Variants in NINL observed in about 807,000 individuals in gnomAD.
NINL encodes the protein ninein like.
NINL carries 153 observed loss-of-function variants against 160.3 expected under a neutral mutation model. The observed-to-expected ratio is 0.95, with a 90% CI of 0.84 to 1.09. The LOEUF (loss-of-function observed/expected upper bound fraction) is 1.09. Ranked by LOEUF, NINL falls within the 50% of genes least tolerant of loss-of-function variation. The probability of loss-of-function intolerance (pLI) is 0.00; values close to 1 mark genes in which losing one functional copy is unlikely to be tolerated. For synonymous variants in NINL, 800 were observed against 734.8 expected, an observed-to-expected ratio of 1.09 and a Z score of -1.43; for missense variants, 1,829 against 1,764.0, an observed-to-expected ratio of 1.04 and a Z score of -0.66.
intron 13 of NINL, among the ~76,000 whole-genome samples, chr20:25,485,351 T>C (rs1294993115): frequency 3.3e-5 from 5 of 152,248 alleles, no homozygotes; most frequent in African/African-American, 1.2e-4. Flanking sequence ...CTGTATCAAT[T>C]TGAAGCCTAT....
chr20:25,470,945 T>C (rs770590843), intron 17 of NINL, among the ~76,000 whole-genome samples: 6 of 152,232 alleles, frequency 3.9e-5, no homozygotes, highest in Non-Finnish European at 8.8e-5. Flanking sequence ...TAGGTCTCCA[T>C]ATGGTACTAG....
At position 25,498,390 on chromosome 20, in the gene NINL, C is replaced by A. The variant is rs1447814985; in HGVS notation, c.1033-44G>T. On this transcript the variant is annotated intron_variant, in intron 8 of 23. Transcript: ENST00000278886. Reference sequence around the variant, plus strand: ...GTAAGCAGGAGAGGCTGAGGGACTTCCCCAAGCAGACACCTCTTTGCTCCC... The same window carrying A: ...GTAAGCAGGAGAGGCTGAGGGACTTACCCAAGCAGACACCTCTTTGCTCCC... 9 of 1,605,218 alleles carry A rather than the reference C, an allele frequency of 5.6e-6. No homozygotes were observed. The East Asian group carries it at 2.0e-4, about 36-fold the overall frequency.
In NINL at chr20:25,504,102, T is replaced by A; in HGVS notation, c.711A>T (p.Glu237Asp). 1 of 1,565,024 alleles carries A rather than the reference T, an allele frequency of 6.4e-7. No individual in the cohort carries two copies. The highest frequency in any genetic ancestry group is 8.6e-7 in the Non-Finnish European group (1 of 1,156,672). ...CCAGTTTGTTAAACAGGTCTTCGAGTTCCTAAACAAAAGCCGTCATATCTC... is the reference window on the plus strand; with the variant it reads ...CCAGTTTGTTAAACAGGTCTTCGAGATCCTAAACAAAAGCCGTCATATCTC... ...SVGLQGLEKEELEDLFNKLDQ... is the reference protein window; with the variant it reads ...SVGLQGLEKEDLEDLFNKLDQ... The change falls in exon 7 of 24, where the codon GAA (glutamate) becomes GAT (aspartate). Residue 237 changes from glutamate (E) to aspartate (D), a missense_variant and splice_region_variant. By Grantham distance (45) the Glu-to-Asp change is conservative. Transcript: ENST00000278886.
rs145513253 is a variant in NINL, at chr20:25,477,306, A to G, written c.2202-217T>C. ...CGCCCCACGGAGCGAGGTTCTGCAC[A>G]TGGAAGCCCAAGCACGAACCCTTTC... On this transcript the variant is annotated intron_variant, in intron 16 of 23. Transcript: ENST00000278886. Among the ~76,000 whole-genome samples, 5 of 152,306 alleles carry G rather than the reference A, an allele frequency of 3.3e-5. No individual in the cohort carries two copies. In the East Asian group the frequency reaches 9.7e-4, roughly 29 times the overall value.
chr20:25,557,445 T>A (rs2064879163), intron 1 of NINL, among the ~76,000 whole-genome samples: 1 of 151,906 alleles, frequency 6.6e-6, no homozygotes, highest in Non-Finnish European at 1.5e-5. Flanking sequence ...GGAGGTGAAT[T>A]TCTTGAACCC....
Position 25,534,434 on chromosome 20 carries a change from A to G in NINL, c.-11-7836T>C, listed in dbSNP as rs375944092. Among the ~76,000 whole-genome samples, 23 of 152,364 alleles carry G rather than the reference A, an allele frequency of 1.5e-4. 1 individual carries two copies. The East Asian group carries it at 2.9e-3, about 19-fold the overall frequency. On this transcript the variant is annotated intron_variant, in intron 1 of 23. Transcript: ENST00000278886. Reference sequence around the variant, plus strand: ...AGTCATGTATCACTTAACAATGGTGATAAGTTCTGAAAATGTGTTGTTAGG... The same window carrying G: ...AGTCATGTATCACTTAACAATGGTGGTAAGTTCTGAAAATGTGTTGTTAGG...
At chr20:25,524,285 G>A (rs758860384) in intron 2 of NINL, among the ~76,000 whole-genome samples, 1 of 152,218 alleles carries the variant, frequency 6.6e-6, no homozygotes, top group Non-Finnish European at 1.5e-5. Flanking sequence ...GGGTGCTCTC[G>A]AAATGTTACA....
chr20:25,476,486 C>A lies in NINL; in HGVS notation c.2805G>T (p.Gln935His). 1 of 1,605,398 alleles carries A rather than the reference C, an allele frequency of 6.2e-7. No homozygotes were observed. The highest frequency in any genetic ancestry group is 2.2e-5 in the East Asian group (1 of 44,886). The change falls in exon 17 of 24, where the codon CAG becomes CAT. Residue 935 changes from glutamine to histidine, a missense_variant. Coordinates refer to ENST00000278886, the MANE Select transcript of NINL (RefSeq NM_025176.6). Reference protein sequence around the residue: ...PFGASAAGLEQPGARELPLLG... With the variant: ...PFGASAAGLEHPGARELPLLG... ...GCAGAGGCAGCTCCCGGGCTCCAGGCTGCTCCAGCCCCGCTGCGCTCGCGC... is the reference window on the plus strand; with the variant it reads ...GCAGAGGCAGCTCCCGGGCTCCAGGATGCTCCAGCCCCGCTGCGCTCGCGC...
intron 1 of NINL, among the ~76,000 whole-genome samples, chr20:25,527,930 A>G (rs1364341585): frequency 6.6e-6 from 1 of 152,264 alleles, no homozygotes; most frequent in Non-Finnish European, 1.5e-5. Flanking sequence ...ATATAAGGAC[A>G]GGAAAGAAAA....
intron 13 of NINL, among the ~76,000 whole-genome samples, chr20:25,486,587 C>T (rs2063508540): frequency 2.6e-5 from 4 of 151,756 alleles, no homozygotes; most frequent in South Asian, 4.2e-4. Context: ...ACACACCAGT[C>T]GAGGCAGAAG....
intron 1 of NINL, among the ~76,000 whole-genome samples, chr20:25,577,835 CTTTT>C (rs11476992): frequency 7.1e-6 from 1 of 141,562 alleles, no homozygotes. Flanking sequence ...CTTTTCTTTT[CTTTT>C]TTTTTTTTTT....
At chr20:25,520,570 CTT>C (rs2064245214) in intron 2 of NINL, among the ~76,000 whole-genome samples, 1 of 152,214 alleles carries the variant, frequency 6.6e-6, no homozygotes. Flanking sequence ...TATTGGGTGT[CTT>C]TGCCTCTGTA....
chr20:25,569,232 A>T (rs940205221), intron 1 of NINL, among the ~76,000 whole-genome samples: 1 of 151,296 alleles, frequency 6.6e-6, no homozygotes, highest in Admixed American at 6.6e-5. Context: ...TGTCTCAAAA[A>T]AAAAAAAAAA....
chr20:25,557,423 C>T (rs144511549), intron 1 of NINL, among the ~76,000 whole-genome samples: 84 of 151,960 alleles, frequency 5.5e-4, no homozygotes, highest in Non-Finnish European at 1.0e-3. Flanking sequence ...TCCAGCTACT[C>T]GGGAAGCCAA....
intron 3 of NINL, among the ~76,000 whole-genome samples, chr20:25,516,759 C>T (rs2064166829): frequency 6.6e-6 from 1 of 152,128 alleles, no homozygotes; most frequent in South Asian, 2.1e-4. Flanking sequence ...CAAGGCTTCT[C>T]CTCCCATCCC....
chr20:25,572,058 A>G (rs2065060191), intron 1 of NINL, among the ~76,000 whole-genome samples: 1 of 152,084 alleles, frequency 6.6e-6, no homozygotes, highest in African/African-American at 2.4e-5. Context: ...CCTAGCACAC[A>G]CAGCTTTCAA....
intron 10 of NINL, 25 bp downstream of exon 10, chr20:25,496,638 T>A (rs200915894): frequency 1.9e-5 from 30 of 1,602,852 alleles, no homozygotes; most frequent in Non-Finnish European, 2.5e-5. Context: ...CAGGTAAGAA[T>A]CCACCACCTG....
intron 13 of NINL, among the ~76,000 whole-genome samples, chr20:25,482,951 G>C (rs935357699): frequency 2.0e-5 from 3 of 151,128 alleles, no homozygotes; most frequent in East Asian, 3.9e-4. Context: ...TTGAACCCAG[G>C]AGGCAGAGAT....
chr20:25,496,884 TC>T (rs1476185895), intron 9 of NINL, 81 bp from the exon 10 acceptor site: 1 of 1,554,160 alleles, frequency 6.4e-7, no homozygotes, highest in African/African-American at 1.4e-5. Flanking sequence ...GGGCCCCATA[TC>T]TGCATCAATG....
Sources: gnomAD v4.1 joint callset for allele counts (sites outside exome capture counted in the v4.1 genomes callset) on GRCh38, gnomAD v4.1.1 for gene constraint, MANE v1.5 for transcripts, NCBI Gene and HGNC (gene_info 2026-07-23, HGNC 2026-07-21) for gene names.